The following NYAP2 variants were observed in gnomAD, a reference collection of about 807,000 sequenced individuals.
The protein encoded by NYAP2 is neuronal tyrosine-phosphorylated phosphoinositide-3-kinase adapter 2.
Under a neutral mutation model 50.4 loss-of-function variants are expected in NYAP2, and 23 were observed. The observed-to-expected ratio is 0.46, with a 90% confidence interval of 0.33 to 0.65. NYAP2 has a LOEUF of 0.65. NYAP2 is among the 30% of genes least tolerant of loss of function. The pLI is 0.02. For synonymous variants in NYAP2, 394 were observed against 365.2 expected (o/e 1.08, Z -0.90); for missense variants, 885 against 861.0 (o/e 1.03, Z -0.35).
intron 3 of NYAP2, among the ~76,000 whole-genome samples, chr2:225,444,907 A>C (rs1389166475): frequency 6.6e-6 from 1 of 152,342 alleles, no homozygotes; most frequent in Non-Finnish European, 1.5e-5. Context: ...AGAGAGAAAT[A>C]CTGAAAATCT....
chr2:225,636,857 G>A (rs750878150), intron 6 of NYAP2, among the ~76,000 whole-genome samples: 14 of 152,148 alleles, frequency 9.2e-5, no homozygotes, highest in East Asian at 1.9e-4. Flanking sequence ...AGAAAGCACA[G>A]CATGGAATAG....
At chr2:225,562,859 T>A (rs1411975730) in intron 4 of NYAP2, among the ~76,000 whole-genome samples, 1 of 152,162 alleles carries the variant, frequency 6.6e-6, no homozygotes, top group Admixed American at 6.6e-5. Flanking sequence ...TCGGGTGTAC[T>A]TTGACAGCAT....
intron 3 of NYAP2, among the ~76,000 whole-genome samples, chr2:225,431,747 A>G (rs1414469116): frequency 6.6e-6 from 1 of 152,194 alleles, no homozygotes; most frequent in Non-Finnish European, 1.5e-5. Flanking sequence ...AGCAAAATGC[A>G]TTTATGCATT....
intron 6 of NYAP2, among the ~76,000 whole-genome samples, chr2:225,645,865 G>T (rs1364363935): frequency 2.0e-5 from 3 of 152,180 alleles, no homozygotes; most frequent in African/African-American, 4.8e-5. Flanking sequence ...CATTTCCAAA[G>T]GTAGGTGAGC....
chr2:225,517,392 T>C (rs1690955319), intron 4 of NYAP2, among the ~76,000 whole-genome samples: 2 of 152,156 alleles, frequency 1.3e-5, no homozygotes, highest in African/African-American at 2.4e-5. Flanking sequence ...CACCCTCACA[T>C]TGGTCATCCC....
At chr2:225,632,620 C>G (rs1693341465) in intron 6 of NYAP2, among the ~76,000 whole-genome samples, 1 of 152,232 alleles carries the variant, frequency 6.6e-6, no homozygotes, top group African/African-American at 2.4e-5. Flanking sequence ...TAGTAAATCA[C>G]AGATTCCCCA....
At chr2:225,434,547 A>G (rs528882961) in intron 3 of NYAP2, among the ~76,000 whole-genome samples, 1 of 152,200 alleles carries the variant, frequency 6.6e-6, no homozygotes, top group Non-Finnish European at 1.5e-5. Context: ...TTGATTGTCC[A>G]CTCTGTGCCC....
chr2:225,634,275 T>C (rs1693373359), intron 6 of NYAP2, among the ~76,000 whole-genome samples: 1 of 152,224 alleles, frequency 6.6e-6, no homozygotes, highest in African/African-American at 2.4e-5. Context: ...CTGGGCTTTA[T>C]GCGCCATATG....
intron 3 of NYAP2, among the ~76,000 whole-genome samples, chr2:225,448,418 C>A (rs979406985): frequency 1.3e-5 from 2 of 152,120 alleles, no homozygotes; most frequent in African/African-American, 4.8e-5. Context: ...GGGAAGGATG[C>A]TAGATTATTG....
chr2:225,661,975 C>A, the NYAP2 span, among the ~76,000 whole-genome samples: 2 of 152,132 alleles, frequency 1.3e-5, no homozygotes, highest in African/African-American at 4.8e-5. Flanking sequence ...CTGCCCACCT[C>A]GGCCTCCCAA....
chr2:225,436,758 A>AAGAG (rs1553538802), intron 3 of NYAP2, among the ~76,000 whole-genome samples: 1 of 141,840 alleles, frequency 7.1e-6, no homozygotes, highest in Admixed American at 7.0e-5. Flanking sequence ...AAAAAAAAAA[A>AAGAG]AGAGAGAAGA....
chr2:225,398,361 A>G (rs1185898634), upstream of NYAP2, among the ~76,000 whole-genome samples: 2 of 152,078 alleles, frequency 1.3e-5, no homozygotes, highest in African/African-American at 2.4e-5. Context: ...AGTTCAAAAT[A>G]TAGACCCCCA....
At chr2:225,658,051 G>A (rs1290397910), downstream of NYAP2, among the ~76,000 whole-genome samples, 1 of 152,098 alleles carries the variant, frequency 6.6e-6, no homozygotes, top group Non-Finnish European at 1.5e-5. Flanking sequence ...TGTTTTCCAT[G>A]CCATTTGTAC....
chr2:225,429,109 T>C (rs944709495), intron 3 of NYAP2, among the ~76,000 whole-genome samples: 3 of 152,024 alleles, frequency 2.0e-5, no homozygotes, highest in Admixed American at 1.3e-4. Flanking sequence ...AAAGCTCAGA[T>C]GTATCTGACT....
chr2:225,630,312 G>A (rs932671668), intron 6 of NYAP2, among the ~76,000 whole-genome samples: 1 of 152,222 alleles, frequency 6.6e-6, no homozygotes, highest in Admixed American at 6.5e-5. Flanking sequence ...CTCCGAGGTA[G>A]GCAGTTCCAG....
intron 6 of NYAP2, among the ~76,000 whole-genome samples, chr2:225,628,320 T>G (rs970598193): frequency 2.1e-5 from 3 of 145,534 alleles, no homozygotes; most frequent in Non-Finnish European, 3.0e-5. Flanking sequence ...ACATAGTTTT[T>G]TTTTTTTTTT....
intron 4 of NYAP2, among the ~76,000 whole-genome samples, chr2:225,566,456 A>G (rs1410838340): frequency 6.6e-6 from 1 of 152,210 alleles, no homozygotes; most frequent in Non-Finnish European, 1.5e-5. Context: ...GACTGCCCCA[A>G]GGACAGGAGA....
At chr2:225,435,517 A>G (rs763205925) in intron 3 of NYAP2, among the ~76,000 whole-genome samples, 5 of 152,180 alleles carry the variant, frequency 3.3e-5, no homozygotes, top group Non-Finnish European at 7.3e-5. Flanking sequence ...AATACTCAAT[A>G]TTTCAAATCT....
chr2:225,489,037 T>C (rs1250924139), intron 3 of NYAP2, among the ~76,000 whole-genome samples: 1 of 152,198 alleles, frequency 6.6e-6, no homozygotes, highest in African/African-American at 2.4e-5. Context: ...CAAAATGATT[T>C]CATGACTGAT....
Sources: allele counts gnomAD v4.1 joint callset (sites outside exome capture counted in the v4.1 genomes callset), GRCh38; gene constraint gnomAD v4.1.1; transcripts MANE v1.5; gene names NCBI Gene and HGNC (gene_info 2026-07-23, HGNC 2026-07-21).